The following DRICH1 variants were observed in gnomAD, a reference collection of about 807,000 sequenced individuals.
DRICH1 encodes the protein aspartate-rich protein 1.
DRICH1 carries 38 observed loss-of-function variants against 39.5 expected under a neutral mutation model. That is an observed-to-expected ratio of 0.96 (90% CI 0.74 to 1.26). The LOEUF (loss-of-function observed/expected upper bound fraction) is 1.26, where lower values mean the gene tolerates loss of function less well. DRICH1 is among the 50% of genes most tolerant of loss of function. The pLI is 0.00. For missense variants in DRICH1, 279 were observed against 270.4 expected (o/e 1.03, Z -0.22); for synonymous variants, 84 against 99.5 (o/e 0.84, Z 0.93).
chr22:23,606,225 C>T (rs1387659387), downstream of DRICH1, among the ~76,000 whole-genome samples: 1 of 152,156 alleles, frequency 6.6e-6, no homozygotes, highest in Non-Finnish European at 1.5e-5. Flanking sequence ...CCACAGGCCT[C>T]CACATTCCAT....
At chr22:23,588,814 T>A in the DRICH1 span, among the ~76,000 whole-genome samples, 1 of 152,158 alleles carries the variant, frequency 6.6e-6, no homozygotes, top group African/African-American at 2.4e-5. Flanking sequence ...TGACCCCAAA[T>A]CATATGGAGA....
chr22:23,583,514 T>C, the DRICH1 span: 4 of 152,160 alleles, frequency 2.6e-5, no homozygotes, highest in African/African-American at 9.7e-5. Context: ...ACAGAAGACT[T>C]CACATTATCT....
chr22:23,592,040 G>T, the DRICH1 span, among the ~76,000 whole-genome samples: 1 of 152,180 alleles, frequency 6.6e-6, no homozygotes, highest in Non-Finnish European at 1.5e-5. Context: ...GCTACGCGAG[G>T]GGTGTTTCCC....
chr22:23,611,176 G>A (rs780171387), intron 11 of DRICH1, among the ~76,000 whole-genome samples: 34 of 152,164 alleles, frequency 2.2e-4, no homozygotes, highest in Non-Finnish European at 4.1e-4. Flanking sequence ...CAGTACAGGC[G>A]GTGTAGCACG....
At chr22:23,631,147 C>T (rs1165321215) in intron 1 of DRICH1, among the ~76,000 whole-genome samples, 2 of 152,008 alleles carry the variant, frequency 1.3e-5, no homozygotes, top group Admixed American at 6.6e-5. Flanking sequence ...GAGCCGGGCG[C>T]GATGCCTCAT....
chr22:23,587,704 C>A, the DRICH1 span, among the ~76,000 whole-genome samples: 2 of 152,128 alleles, frequency 1.3e-5, no homozygotes, highest in Non-Finnish European at 2.9e-5. Flanking sequence ...GGAACCAGGC[C>A]CAAGGCCTCT....
At chr22:23,585,773 G>A in the DRICH1 span, among the ~76,000 whole-genome samples, 1 of 152,188 alleles carries the variant, frequency 6.6e-6, no homozygotes, top group East Asian at 1.9e-4. Context: ...TCTCGCTTTG[G>A]CCTCCTAAAG....
the DRICH1 span, among the ~76,000 whole-genome samples, chr22:23,582,844 AGCCATCGTGCCCG>A: frequency 0.047 from 7,165 of 152,220 alleles, 200 homozygotes; most frequent in Middle Eastern, 0.11. Context: ...TACAGGCGTG[AGCCATCGTGCCCG>A]GCCAATTATC....
intron 2 of DRICH1, among the ~76,000 whole-genome samples, chr22:23,625,245 A>G (rs1927989794): frequency 6.6e-6 from 1 of 152,160 alleles, no homozygotes; most frequent in Non-Finnish European, 1.5e-5. Context: ...AGAAACTCCC[A>G]CTGAATTCCA....
chr22:23,582,415 G>A, the DRICH1 span, among the ~76,000 whole-genome samples: 2 of 150,984 alleles, frequency 1.3e-5, no homozygotes, highest in African/African-American at 2.4e-5. Context: ...CCCTCCCCCA[G>A]CCCCTGGCAC....
Position 23,608,659 on chromosome 22 carries a change from A to C in DRICH1, c.*105T>G. On this transcript the variant is annotated 3_prime_UTR_variant, in exon 12 of 12. Coordinates refer to ENST00000317749, the MANE Select transcript of DRICH1 (RefSeq NM_016449.4). Reference sequence around the variant, plus strand: ...TCTGCTGGGACCAAGAGTTTTCCTCAGAATGTAGAGAGGATTGAGACCTCC... The same window carrying C: ...TCTGCTGGGACCAAGAGTTTTCCTCCGAATGTAGAGAGGATTGAGACCTCC... 1 of 1,147,600 alleles carries C rather than the reference A, an allele frequency of 8.7e-7. No homozygotes were observed. Among genetic ancestry groups the C allele is most frequent in the Non-Finnish European group, 1.3e-6 (1 of 783,510 alleles). The allele number at this position is 1,147,600 out of a possible 1,614,324, so 71.1% of individuals were successfully genotyped here. A position where few individuals can be genotyped will look rare whatever the true frequency, so the allele number is the denominator to read the frequency against.
intron 11 of DRICH1, among the ~76,000 whole-genome samples, chr22:23,609,941 C>T (rs942441961): frequency 1.3e-5 from 2 of 152,162 alleles, no homozygotes; most frequent in African/African-American, 4.8e-5. Context: ...CCCTGGGCAT[C>T]CTCCTATGTG....
At chr22:23,616,066 C>T (rs112725362) in intron 8 of DRICH1, among the ~76,000 whole-genome samples, 3,144 of 152,206 alleles carry the variant, frequency 0.021, 100 homozygotes, top group African/African-American at 0.071. Flanking sequence ...CCTCCATGCC[C>T]AGGAAGAGCT....
chr22:23,630,341 G>A (rs753697575), intron 1 of DRICH1, among the ~76,000 whole-genome samples: 7 of 152,096 alleles, frequency 4.6e-5, no homozygotes, highest in East Asian at 1.9e-4. Flanking sequence ...CATCAACATC[G>A]GGACCCATTT....
At chr22:23,600,924 G>A in the DRICH1 span, among the ~76,000 whole-genome samples, 1 of 151,986 alleles carries the variant, frequency 6.6e-6, no homozygotes, top group African/African-American at 2.4e-5. Context: ...GACCCACCTC[G>A]GCCTCCCAAA....
the DRICH1 span, among the ~76,000 whole-genome samples, chr22:23,592,809 T>C: frequency 6.7e-6 from 1 of 148,882 alleles, no homozygotes; most frequent in Non-Finnish European, 1.5e-5. Context: ...CTGGCCAACA[T>C]GGTGAAACCC....
chr22:23,591,215 AG>A, the DRICH1 span, among the ~76,000 whole-genome samples: 103 of 152,282 alleles, frequency 6.8e-4, no homozygotes, highest in African/African-American at 2.3e-3. Flanking sequence ...GGCAAAAGGA[AG>A]AAAAAGACAC....
At chr22:23,623,746 C>CAAATAAACTTGGTAATGTTGGAAAAGAA in intron 3 of DRICH1, 1 of 164,814 alleles carries the variant, frequency 6.1e-6, no homozygotes, top group Non-Finnish European at 1.3e-5. Context: ...AGATTGAAAT[C>CAAATAAACTTGGTAATGTTGGAAAAGAA]TACAAAAAAC....
downstream of DRICH1, among the ~76,000 whole-genome samples, chr22:23,604,776 T>A (rs1175227044): frequency 6.6e-6 from 1 of 152,208 alleles, no homozygotes; most frequent in Non-Finnish European, 1.5e-5. Flanking sequence ...CTCCATCAGC[T>A]CAGGGGACAG....
Sources: allele counts gnomAD v4.1 joint callset (sites outside exome capture counted in the v4.1 genomes callset), GRCh38; gene constraint gnomAD v4.1.1; transcripts MANE v1.5; gene names NCBI Gene and HGNC (gene_info 2026-07-23, HGNC 2026-07-21).